The following KIFBP variants were observed in gnomAD, a reference collection of about 807,000 sequenced individuals.
The protein encoded by KIFBP is kinesin family binding protein.
A neutral mutation model predicts 58.9 loss-of-function variants in KIFBP; 46 were observed. The ratio of observed to expected loss-of-function variants is 0.78; its 90% CI spans 0.62 to 1.00. KIFBP has a LOEUF of 1.00. Ranked by LOEUF, KIFBP falls within the 50% of genes least tolerant of loss-of-function variation. The pLI, the probability that KIFBP is intolerant of heterozygous loss-of-function variation, is 0.00. For missense variants in KIFBP, 651 were observed against 752.9 expected (o/e 0.86, Z 1.58); for synonymous variants, 241 against 283.4 (o/e 0.85, Z 1.50).
At position 68,988,894 on chromosome 10, in the gene KIFBP, G is replaced by T; in HGVS notation, c.62G>T (p.Arg21Leu). 1.2e-6 allele frequency: 2 copies of T among 1,614,238 alleles called. No homozygotes were observed. Among genetic ancestry groups the T allele is most frequent in the South Asian group, 1.1e-5 (1 of 91,086 alleles). The change falls in exon 1 of 7, where the codon CGG becomes CTG. Residue 21 changes from arginine (R) to leucine (L), a missense_variant. Arg to Leu is a moderately radical substitution (Grantham distance 102). Transcript: ENST00000361983. ...TTCCAGGCGGCGCTCGCTCTGTCGC[G>T]GGTGGAACTGCATAAAAATCCGGAG... ...EKFQAALALS[R>L]VELHKNPEKE...
chr10:68,989,358 C>T, intron 1 of KIFBP, 100 bp downstream of exon 1: 1 of 1,321,114 alleles, frequency 7.6e-7, no homozygotes, highest in Non-Finnish European at 1.1e-6. Flanking sequence ...AGGCGCAATT[C>T]GTCCCCACGT....
chr10:68,999,412 T>TA (rs138607044), intron 1 of KIFBP, among the ~76,000 whole-genome samples: 53,584 of 148,562 alleles, frequency 0.36, 10,481 homozygotes, highest in Non-Finnish European at 0.47. Context: ...TCTTTTTTTT[T>TA]TAAAAAAAAA....
rs781589529 is a variant in KIFBP, at chr10:69,015,524, A to G, written c.991-17A>G. Reference sequence around the variant, plus strand: ...TGAGTGTCCTACTTAACCATAATTTATTTTTTTTTCCTTCAGGACAACATA... The same window carrying G: ...TGAGTGTCCTACTTAACCATAATTTGTTTTTTTTTCCTTCAGGACAACATA... On this transcript the variant is annotated splice_polypyrimidine_tract_variant and intron_variant, in intron 6 of 6. Transcript: ENST00000361983. 1.9e-6 allele frequency: 3 copies of G among 1,596,564 alleles called. No individual in the cohort carries two copies. In the South Asian group the frequency reaches 3.3e-5, roughly 18 times the overall value.
chr10:69,008,407 T>A (rs1363431626), intron 4 of KIFBP, among the ~76,000 whole-genome samples: 22 of 132,832 alleles, frequency 1.7e-4, no homozygotes, highest in African/African-American at 6.9e-4. Flanking sequence ...TATATATATA[T>A]ATATATATAT....
At chr10:69,006,625 T>C (rs1843539254) in intron 4 of KIFBP, among the ~76,000 whole-genome samples, 1 of 152,216 alleles carries the variant, frequency 6.6e-6, no homozygotes, top group Admixed American at 6.5e-5. Flanking sequence ...ATTTTCCTAT[T>C]AATCCTTAAT....
chr10:68,989,262 A>T lies in KIFBP; in HGVS notation c.426+4A>T. On this transcript the variant is annotated splice_donor_region_variant and intron_variant, in intron 1 of 6. Coordinates refer to ENST00000361983, the MANE Select transcript of KIFBP (RefSeq NM_015634.4). Reference sequence around the variant, plus strand: ...CTCTCTCTGCATCCAGGCGCAGGTGAGAGCGAGCCCGGCCAGGCCGGCCCC... The same window carrying T: ...CTCTCTCTGCATCCAGGCGCAGGTGTGAGCGAGCCCGGCCAGGCCGGCCCC... The T allele has an allele frequency of 1.2e-6, 2 of 1,612,548 alleles. 1 individual carries two copies. Among genetic ancestry groups the T allele is most frequent in the South Asian group, 2.2e-5 (2 of 90,954 alleles).
intron 1 of KIFBP, among the ~76,000 whole-genome samples, chr10:68,999,123 A>G (rs1843437000): frequency 6.7e-6 from 1 of 150,252 alleles, no homozygotes. Context: ...TTTGAGACAG[A>G]GTCTTGCTCC....
intron 2 of KIFBP, among the ~76,000 whole-genome samples, 199 bp from the exon 3 acceptor site, chr10:69,004,847 G>A (rs1344424417): frequency 6.6e-6 from 1 of 152,096 alleles, no homozygotes; most frequent in Non-Finnish European, 1.5e-5. Context: ...ACTCCAGCCT[G>A]GGTGACAGAG....
At position 69,015,949 on chromosome 10, in the gene KIFBP, C is replaced by T. The variant is rs142011043; in HGVS notation, c.1399C>T (p.Leu467=). ...LTVDLNPQYY[L]LVNRQIQFEI... ...TGTAGACCTGAATCCACAGTATTAT[C>T]TGTTGGTCAACAGACAGATCCAGTT... Residue 467 remains leucine (L), a synonymous_variant, in exon 7 of 7, where the codon CTG becomes TTG. Transcript: ENST00000361983. The T allele has an allele frequency of 2.8e-4, 454 of 1,614,156 alleles. 1 individual carries two copies. The highest frequency in any genetic ancestry group is 2.5e-3 in the Admixed American group (152 of 60,012).
At chr10:68,998,782 T>A (rs1398947150) in intron 1 of KIFBP, among the ~76,000 whole-genome samples, 318 of 139,334 alleles carry the variant, frequency 2.3e-3, no homozygotes, top group African/African-American at 7.4e-3. Context: ...TTTTTTTTTT[T>A]TTTTTTTTTT....
At chr10:69,010,827 T>A in intron 5 of KIFBP, 73 bp from the exon 6 acceptor site, 1 of 975,638 alleles carries the variant, frequency 1.0e-6, no homozygotes, top group Non-Finnish European at 1.6e-6. Context: ...AAAGTGATAT[T>A]AAAAAAATTA....
intron 2 of KIFBP, among the ~76,000 whole-genome samples, chr10:69,002,359 A>G (rs1240937766): frequency 6.6e-6 from 1 of 151,628 alleles, no homozygotes; most frequent in Non-Finnish European, 1.5e-5. Context: ...GGGTTTCACC[A>G]TGTTGCCAGG....
intron 2 of KIFBP, among the ~76,000 whole-genome samples, chr10:69,001,857 A>G (rs1843469828): frequency 6.6e-6 from 1 of 152,128 alleles, no homozygotes; most frequent in South Asian, 2.1e-4. Flanking sequence ...ATGTTTGCTA[A>G]ATTCATGCGT....
intron 6 of KIFBP, among the ~76,000 whole-genome samples, chr10:69,014,270 G>A (rs1159985701): frequency 3.3e-5 from 5 of 152,150 alleles, no homozygotes; most frequent in Non-Finnish European, 5.9e-5. Context: ...GTTCCACAAA[G>A]GAGAGACACA....
chr10:69,015,864 T>A lies in KIFBP; in HGVS notation c.1314T>A (p.Thr438=), dbSNP rs776013730. 2 of 1,614,070 alleles carry A rather than the reference T, an allele frequency of 1.2e-6. No homozygotes were observed. The highest frequency in any genetic ancestry group is 1.7e-6 in the Non-Finnish European group (2 of 1,180,036). ...TTAAGGTGCTTGCATTCTTTGAAAC[T>A]GACATGGAGAGACGGTGCAAGATGC... ...ALFKVLAFFE[T]DMERRCKMHK... Residue 438 remains threonine, a synonymous_variant, in exon 7 of 7, where the codon ACT becomes ACA. Transcript: ENST00000361983.
intron 6 of KIFBP, among the ~76,000 whole-genome samples, chr10:69,013,800 A>G (rs1843616777): frequency 6.6e-6 from 1 of 152,108 alleles, no homozygotes; most frequent in African/African-American, 2.4e-5. Context: ...CCCGGGCTGG[A>G]GTGCAGTGGC....
intron 2 of KIFBP, among the ~76,000 whole-genome samples, chr10:69,001,073 A>T (rs1236388150): frequency 6.6e-6 from 1 of 151,274 alleles, no homozygotes; most frequent in African/African-American, 2.4e-5. Context: ...TCTAAGTACT[A>T]TACTGTACTT....
Position 69,016,234 on chromosome 10 carries a change from C to T in KIFBP, c.1684C>T (p.Pro562Ser). The change falls in exon 7 of 7, where the codon CCC becomes TCC. Residue 562 changes from proline to serine, a missense_variant. By Grantham distance (74) the Pro-to-Ser change is moderately conservative. Coordinates refer to ENST00000361983, the MANE Select transcript of KIFBP (RefSeq NM_015634.4). Reference protein sequence around the residue: ...RLYGKIITADPKKELENLATS... With the variant: ...RLYGKIITADSKKELENLATS... ...CTATGGCAAAATCATTACTGCAGATCCCAAGAAAGAGCTGGAAAATTTGGC... is the reference window on the plus strand; with the variant it reads ...CTATGGCAAAATCATTACTGCAGATTCCAAGAAAGAGCTGGAAAATTTGGC... 6.2e-7 allele frequency: 1 copy of T among 1,603,182 alleles called. No homozygotes were observed. The highest frequency in any genetic ancestry group is 8.5e-7 in the Non-Finnish European group (1 of 1,175,356).
intron 4 of KIFBP, chr10:69,006,778 T>G (rs1843541340): frequency 6.6e-6 from 1 of 152,212 alleles, no homozygotes; most frequent in African/African-American, 2.4e-5. Context: ...CCTTTATCCT[T>G]TTTGAGCATT....
Sources: gnomAD v4.1 joint callset for allele counts (sites outside exome capture counted in the v4.1 genomes callset) on GRCh38, gnomAD v4.1.1 for gene constraint, MANE v1.5 for transcripts, NCBI Gene and HGNC (gene_info 2026-07-23, HGNC 2026-07-21) for gene names.